The following SGIP1 variants were observed in gnomAD, a reference collection of about 807,000 sequenced individuals.
SGIP1 encodes the protein SH3GL interacting endocytic adaptor 1.
In SGIP1, 38 loss-of-function variants were observed where a neutral mutation model predicts 107.5. That is an observed-to-expected ratio of 0.35 (90% CI 0.27 to 0.46). SGIP1 has a LOEUF of 0.46. SGIP1 is among the 20% of genes least tolerant of loss of function. The pLI, the probability that SGIP1 is intolerant of heterozygous loss-of-function variation, is 1.00. For missense variants in SGIP1, 929 were observed against 1,019.5 expected, an observed-to-expected ratio of 0.91 and a Z score of 1.21; for synonymous variants, 365 against 366.1, an observed-to-expected ratio of 1.00 and a Z score of 0.03.
intron 1 of SGIP1, among the ~76,000 whole-genome samples, chr1:66,619,441 G>T (rs975242945): frequency 2.0e-5 from 3 of 152,228 alleles, no homozygotes; most frequent in Admixed American, 2.0e-4. Flanking sequence ...TTAGAACCTG[G>T]CTTTGTCTTT....
intron 1 of SGIP1, among the ~76,000 whole-genome samples, chr1:66,574,382 C>T (rs527551818): frequency 1.2e-4 from 18 of 152,196 alleles, no homozygotes; most frequent in African/African-American, 4.3e-4. Context: ...CATTCTCTGC[C>T]GTGGTGTCCC....
At chr1:66,671,797 AG>A in intron 10 of SGIP1, 146 bp from the exon 11 acceptor site, 2 of 684,352 alleles carry the variant, frequency 2.9e-6, no homozygotes, top group Non-Finnish European at 5.1e-6. Context: ...TTGCATTGCC[AG>A]GGGAGAAGGT....
intron 14 of SGIP1, among the ~76,000 whole-genome samples, chr1:66,681,129 T>C (rs558494928): frequency 1.3e-5 from 2 of 152,222 alleles, no homozygotes; most frequent in Non-Finnish European, 2.9e-5. Flanking sequence ...AATTATTTTC[T>C]TCTCCATTAA....
chr1:66,688,322 G>A (rs1571851978), intron 15 of SGIP1, among the ~76,000 whole-genome samples: 1 of 152,326 alleles, frequency 6.6e-6, no homozygotes, highest in East Asian at 1.9e-4. Flanking sequence ...ACATATGACT[G>A]AAGTTAGGCA....
At chr1:66,598,687 C>T (rs1330337924) in intron 1 of SGIP1, among the ~76,000 whole-genome samples, 1 of 152,108 alleles carries the variant, frequency 6.6e-6, no homozygotes, top group Non-Finnish European at 1.5e-5. Context: ...GCAGAGGTGC[C>T]ACACACTTTT....
chr1:66,741,404 G>A lies in SGIP1; in HGVS notation c.2432G>A (p.Arg811Gln), dbSNP rs1329700380. ...CDIELVGAGY[R>Q]FSLIKKRFAA... Reference sequence around the variant, plus strand: ...ATTGAACTTGTTGGAGCAGGGTATCGATTTTCACTCATCAAGAAAAGGTTT... The same window carrying A: ...ATTGAACTTGTTGGAGCAGGGTATCAATTTTCACTCATCAAGAAAAGGTTT... The change falls in exon 24 of 25, where the codon CGA (arginine) becomes CAA (glutamine). Residue 811 changes from arginine (R) to glutamine (Q), a missense_variant. Physicochemically the swap from Arg to Gln is conservative, Grantham distance 43. This residue lies in a region of SGIP1 where 341 missense variants were observed against 430.9 expected (regional missense o/e 0.79). Coordinates refer to ENST00000371037, the MANE Select transcript of SGIP1 (RefSeq NM_032291.4). 3.1e-6 allele frequency: 5 copies of A among 1,593,396 alleles called. No individual in the cohort carries two copies. The highest frequency in any genetic ancestry group is 3.4e-6 in the Non-Finnish European group (4 of 1,170,632).
rs915971318 is a variant in SGIP1, at chr1:66,721,257, G to A, written c.1742+1852G>A. On this transcript the variant is annotated intron_variant, in intron 19 of 24. Transcript: ENST00000371037. Reference sequence around the variant, plus strand: ...AGCTGTAGATATGCTTTATTCATACGTATTTGTTCTGTAGAATCTTCTTTG... The same window carrying A: ...AGCTGTAGATATGCTTTATTCATACATATTTGTTCTGTAGAATCTTCTTTG... Among the ~76,000 whole-genome samples the A allele has an allele frequency of 2.6e-5, 4 of 152,232 alleles. 1 individual carries two copies. Among genetic ancestry groups the A allele is most frequent in the South Asian group, 4.1e-4 (2 of 4,824 alleles).
At chr1:66,556,974 T>C (rs1223292106) in intron 1 of SGIP1, among the ~76,000 whole-genome samples, 1 of 152,140 alleles carries the variant, frequency 6.6e-6, no homozygotes, top group Non-Finnish European at 1.5e-5. Context: ...AGTACCTTGA[T>C]ATTTACAAGT....
chr1:66,714,018 A>G (rs2093080884), intron 18 of SGIP1, among the ~76,000 whole-genome samples: 2 of 152,066 alleles, frequency 1.3e-5, no homozygotes, highest in African/African-American at 4.8e-5. Flanking sequence ...CTAAAAACCT[A>G]CTCAACTTCA....
intron 1 of SGIP1, among the ~76,000 whole-genome samples, chr1:66,552,265 A>G (rs915791075): frequency 2.0e-5 from 3 of 152,134 alleles, no homozygotes; most frequent in African/African-American, 7.2e-5. Context: ...GGACATGCCC[A>G]CTTTGTTGGC....
intron 1 of SGIP1, among the ~76,000 whole-genome samples, chr1:66,589,485 C>T (rs2063270116): frequency 6.6e-6 from 1 of 151,940 alleles, no homozygotes; most frequent in South Asian, 2.1e-4. Context: ...AAACTGTTGG[C>T]TTTTCTGGGC....
chr1:66,684,175 G>A, intron 15 of SGIP1: 1 of 1,550,576 alleles, frequency 6.4e-7, no homozygotes, highest in South Asian at 1.2e-5. Context: ...CAATGAACTG[G>A]ATTCATACTC....
intron 1 of SGIP1, among the ~76,000 whole-genome samples, chr1:66,549,422 T>C (rs1192837806): frequency 6.6e-6 from 1 of 152,144 alleles, no homozygotes; most frequent in Non-Finnish European, 1.5e-5. Flanking sequence ...TGATTATAAG[T>C]GAGCAAAGTT....
intron 7 of SGIP1, among the ~76,000 whole-genome samples, chr1:66,657,152 G>A (rs2079963086): frequency 6.6e-6 from 1 of 151,946 alleles, no homozygotes; most frequent in African/African-American, 2.4e-5. Context: ...CTTCAGCCTG[G>A]GGAATAAAAC....
At chr1:66,659,634 G>C (rs2080485258) in intron 7 of SGIP1, among the ~76,000 whole-genome samples, 1 of 149,318 alleles carries the variant, frequency 6.7e-6, no homozygotes, top group African/African-American at 2.4e-5. Context: ...ATTAGGCCAG[G>C]CACGGTGGTT....
At chr1:66,638,727 CA>C (rs1558165479) in intron 4 of SGIP1, among the ~76,000 whole-genome samples, 1 of 152,134 alleles carries the variant, frequency 6.6e-6, no homozygotes. Flanking sequence ...CCTATGTGCA[CA>C]CATAAAAATC....
chr1:66,542,597 T>C (rs2055256100), intron 1 of SGIP1, among the ~76,000 whole-genome samples: 1 of 152,166 alleles, frequency 6.6e-6, no homozygotes, highest in Non-Finnish European at 1.5e-5. Context: ...CTGATTCGTG[T>C]CCCAGACAGG....
At chr1:66,675,441 T>C (rs2084968972) in intron 12 of SGIP1, among the ~76,000 whole-genome samples, 1 of 152,062 alleles carries the variant, frequency 6.6e-6, no homozygotes, top group Non-Finnish European at 1.5e-5. Flanking sequence ...GCTTTTTCGA[T>C]ACCCACACTT....
At chr1:66,619,960 G>A (rs952216625) in intron 1 of SGIP1, among the ~76,000 whole-genome samples, 4 of 152,200 alleles carry the variant, frequency 2.6e-5, no homozygotes, top group African/African-American at 9.7e-5. Flanking sequence ...AGACTTTGAT[G>A]TTTTACCTAA....
Sources: allele counts gnomAD v4.1 joint callset (sites outside exome capture counted in the v4.1 genomes callset), GRCh38; gene constraint gnomAD v4.1.1; regional missense constraint gnomAD v4.1.1; transcripts MANE v1.5; gene names NCBI Gene and HGNC (gene_info 2026-07-23, HGNC 2026-07-21).